The following NLGN4X variants were observed in gnomAD, a reference collection of about 807,000 sequenced individuals.
The protein encoded by NLGN4X is neuroligin 4 X-linked.
NLGN4X carries 3 observed loss-of-function variants against 40.3 expected under a neutral mutation model. The ratio of observed to expected loss-of-function variants is 0.07; its 90% CI spans 0.03 to 0.19. NLGN4X has a LOEUF of 0.19. NLGN4X is among the 10% of genes least tolerant of loss of function. The pLI, the probability that NLGN4X is intolerant of heterozygous loss-of-function variation, is 1.00. For missense variants in NLGN4X, 382 were observed against 708.3 expected (o/e 0.54, Z 5.23); for synonymous variants, 270 against 306.8 (o/e 0.88, Z 1.25).
intron 2 of NLGN4X, among the ~76,000 whole-genome samples, chrX:6,091,331 T>G (rs1410990249): frequency 9.0e-6 from 1 of 111,561 alleles, no homozygotes; most frequent in Non-Finnish European, 1.9e-5. Flanking sequence ...TGGAAGCATC[T>G]TTTTAAAATA....
intron 2 of NLGN4X, among the ~76,000 whole-genome samples, chrX:6,036,594 C>A (rs1388707723): frequency 1.1e-5 from 1 of 89,015 alleles, no homozygotes; most frequent in African/African-American, 4.2e-5. Flanking sequence ...AAGAATAAAC[C>A]CAGCTTGTGG....
intron 3 of NLGN4X, among the ~76,000 whole-genome samples, chrX:5,960,260 A>C (rs2034616568): frequency 1.5e-4 from 1 of 6,779 alleles, no homozygotes; most frequent in East Asian, 3.3e-3. Context: ...CCAATTTTGC[A>C]AAAAAAAAAA....
intron 3 of NLGN4X, among the ~76,000 whole-genome samples, chrX:5,978,009 C>G (rs150481177): frequency 2.0e-4 from 22 of 112,261 alleles, no homozygotes; most frequent in Non-Finnish European, 3.4e-4. Context: ...ATTGCTCTTG[C>G]AGGAAGCTCA....
At chrX:6,102,314 T>C (rs922981455) in intron 2 of NLGN4X, among the ~76,000 whole-genome samples, 1 of 110,826 alleles carries the variant, frequency 9.0e-6, no homozygotes, top group East Asian at 2.8e-4. Context: ...AAAAAATATA[T>C]AAATCTTAAT....
chrX:6,011,736 T>C (rs185348696), intron 3 of NLGN4X, among the ~76,000 whole-genome samples: 2 of 111,365 alleles, frequency 1.8e-5, no homozygotes, highest in Non-Finnish European at 3.8e-5. Flanking sequence ...ACACCTGACT[T>C]GTTTGAACGT....
rs1477523531 is a variant in NLGN4X, at chrX:5,923,907, T to C, written c.626-14668A>G. 5.4e-5 allele frequency among the ~76,000 whole-genome samples: 6 copies of C among 111,821 alleles called. No homozygotes were observed. In the East Asian group the frequency reaches 1.1e-3, roughly 21 times the overall value. On this transcript the variant is annotated intron_variant, in intron 3 of 5. Coordinates refer to ENST00000381095, the MANE Select transcript of NLGN4X (RefSeq NM_181332.3). ...GTGATTGCACCAACCATTCCTACAATTGATCTTGTTGACCAGGACACCTAA... is the reference window on the plus strand; with the variant it reads ...GTGATTGCACCAACCATTCCTACAACTGATCTTGTTGACCAGGACACCTAA...
intron 4 of NLGN4X, among the ~76,000 whole-genome samples, chrX:5,905,726 C>A (rs1334876247): frequency 8.9e-6 from 1 of 112,446 alleles, no homozygotes; most frequent in Non-Finnish European, 1.9e-5. Flanking sequence ...GCTACCCAGG[C>A]TGGAGTGCAG....
chrX:5,982,138 C>A (rs1225116149), intron 3 of NLGN4X, among the ~76,000 whole-genome samples: 1 of 112,213 alleles, frequency 8.9e-6, no homozygotes, highest in East Asian at 2.8e-4. Context: ...TCCCAAGGAA[C>A]ACTCAAATAT....
chrX:6,169,698 G>A lies in NLGN4X; in HGVS notation c.-305-17927C>T, dbSNP rs747083724. ...ATTTAATTCAACCTCATGTGTGGTCGGAGAAACAGGAGGAATTGGAACAAT... is the reference window on the plus strand; with the variant it reads ...ATTTAATTCAACCTCATGTGTGGTCAGAGAAACAGGAGGAATTGGAACAAT... On this transcript the variant is annotated intron_variant, in intron 1 of 5. Transcript: ENST00000381095. 3.4e-3 allele frequency among the ~76,000 whole-genome samples: 381 copies of A among 112,358 alleles called. 1 individual carries two copies. The highest frequency in any genetic ancestry group is 5.0e-3 in the Non-Finnish European group (265 of 53,297).
At chrX:5,922,737 C>G (rs1327580380) in intron 3 of NLGN4X, among the ~76,000 whole-genome samples, 1 of 110,350 alleles carries the variant, frequency 9.1e-6, no homozygotes, top group Non-Finnish European at 1.9e-5. Context: ...GTGGCACAGG[C>G]CTGTAATACC....
At position 6,044,458 on chromosome X, in the gene NLGN4X, A is replaced by C. The variant is rs186784673; in HGVS notation, c.473-15026T>G. On this transcript the variant is annotated intron_variant, in intron 2 of 5. Coordinates refer to ENST00000381095, the MANE Select transcript of NLGN4X (RefSeq NM_181332.3). ...TAAGTAACAAGCAAGTCCACCCACA[A>C]CCGACATGAACTTCAGAAAAAGGAA... 5.0e-3 allele frequency among the ~76,000 whole-genome samples: 561 copies of C among 112,152 alleles called. 5 individuals carry two copies. Among genetic ancestry groups the C allele is most frequent in the African/African-American group, 0.017 (540 of 30,876 alleles).
intron 2 of NLGN4X, among the ~76,000 whole-genome samples, chrX:6,057,165 A>C (rs1204982249): frequency 2.7e-5 from 3 of 112,117 alleles, no homozygotes; most frequent in Non-Finnish European, 5.6e-5. Flanking sequence ...ATCATCAATC[A>C]TTCCAAAAAG....
chrX:6,109,126 T>C (rs2039092060), intron 2 of NLGN4X, among the ~76,000 whole-genome samples: 2 of 110,897 alleles, frequency 1.8e-5, no homozygotes, highest in Admixed American at 1.9e-4. Context: ...ATTAGCCGGA[T>C]ATGGTGGCAT....
At chrX:5,898,538 C>T (rs1447843489) in intron 5 of NLGN4X, among the ~76,000 whole-genome samples, 2 of 111,546 alleles carry the variant, frequency 1.8e-5, no homozygotes, top group African/African-American at 6.5e-5. Context: ...CCATCCACTT[C>T]ATCTTGGCAA....
chrX:6,076,716 A>T (rs1184128128), intron 2 of NLGN4X, among the ~76,000 whole-genome samples: 1 of 112,414 alleles, frequency 8.9e-6, no homozygotes, highest in East Asian at 2.8e-4. Flanking sequence ...GGAAGAATGT[A>T]TCAGATGAAT....
chrX:6,018,203 A>G (rs1472797626), intron 3 of NLGN4X, among the ~76,000 whole-genome samples: 1 of 110,951 alleles, frequency 9.0e-6, no homozygotes, highest in East Asian at 2.8e-4. Flanking sequence ...ACACACCCAT[A>G]TGCACCCACA....
chrX:6,157,847 C>T (rs73184645), intron 1 of NLGN4X, among the ~76,000 whole-genome samples: 1,874 of 111,373 alleles, frequency 0.017, 16 homozygotes, highest in Non-Finnish European at 0.027. Flanking sequence ...CACAAGCCTT[C>T]AGACCACAGA....
chrX:5,946,142 C>T (rs1024076853), intron 3 of NLGN4X, among the ~76,000 whole-genome samples: 5 of 111,125 alleles, frequency 4.5e-5, no homozygotes, highest in Non-Finnish European at 9.4e-5. Context: ...TGTTCTGTGC[C>T]TTGTGGGTCC....
chrX:6,202,362 G>C (rs745563672), intron 1 of NLGN4X, among the ~76,000 whole-genome samples: 2 of 103,233 alleles, frequency 1.9e-5, no homozygotes, highest in South Asian at 9.4e-4. Context: ...TTTTGAGACA[G>C]GGTCTCACTG....
Sources: gnomAD v4.1 joint callset for allele counts (sites outside exome capture counted in the v4.1 genomes callset) on GRCh38, gnomAD v4.1.1 for gene constraint, MANE v1.5 for transcripts, NCBI Gene and HGNC (gene_info 2026-07-23, HGNC 2026-07-21) for gene names.